The following ENTREP2 variants were observed in gnomAD, a reference collection of about 807,000 sequenced individuals.
The protein encoded by ENTREP2 is endosomal transmembrane epsin interactor 2, also known as protein ENTREP2.
chr15:29,453,411 T>C, the ENTREP2 span, among the ~76,000 whole-genome samples: 2 of 152,204 alleles, frequency 1.3e-5, no homozygotes, highest in Non-Finnish European at 2.9e-5. Flanking sequence ...CTGTAGCTTT[T>C]GGCCCTGATA....
the ENTREP2 span, among the ~76,000 whole-genome samples, chr15:29,186,997 T>C: frequency 1.3e-5 from 2 of 152,162 alleles, no homozygotes; most frequent in Non-Finnish European, 2.9e-5. Context: ...CCTAGAGCTG[T>C]GTTTGGTATC....
the ENTREP2 span, among the ~76,000 whole-genome samples, chr15:29,319,444 C>T: frequency 1.3e-5 from 2 of 152,214 alleles, no homozygotes. Context: ...TCACTGCTGC[C>T]ATCAGTCCAA....
chr15:29,539,344 C>T, the ENTREP2 span, among the ~76,000 whole-genome samples: 1 of 152,236 alleles, frequency 6.6e-6, no homozygotes, highest in South Asian at 2.1e-4. Flanking sequence ...CACTCTGAAA[C>T]CCTCTGCTCC....
chr15:29,535,035 C>G, the ENTREP2 span, among the ~76,000 whole-genome samples: 2 of 150,800 alleles, frequency 1.3e-5, no homozygotes, highest in African/African-American at 4.9e-5. Context: ...CACTTGAGAT[C>G]AGGAGTTTGA....
At chr15:29,418,060 C>T in the ENTREP2 span, among the ~76,000 whole-genome samples, 1 of 152,108 alleles carries the variant, frequency 6.6e-6, no homozygotes, top group African/African-American at 2.4e-5. Flanking sequence ...GAATTTACAG[C>T]AAATGTGTTT....
At chr15:29,492,088 G>A in the ENTREP2 span, among the ~76,000 whole-genome samples, 7 of 151,650 alleles carry the variant, frequency 4.6e-5, no homozygotes, top group Non-Finnish European at 1.0e-4. Flanking sequence ...CTAGCTTGTG[G>A]GTTTCAGGGC....
chr15:29,244,733 T>C, the ENTREP2 span, among the ~76,000 whole-genome samples: 2 of 152,142 alleles, frequency 1.3e-5, no homozygotes, highest in African/African-American at 4.8e-5. Flanking sequence ...GAACACCGCA[T>C]GTGGGTGAGA....
chr15:29,299,605 C>T, the ENTREP2 span, among the ~76,000 whole-genome samples: 1 of 152,132 alleles, frequency 6.6e-6, no homozygotes, highest in Admixed American at 6.6e-5. Flanking sequence ...CTCTGGCCTC[C>T]CTATGAAAAA....
At chr15:29,343,280 T>G in the ENTREP2 span, among the ~76,000 whole-genome samples, 1 of 152,096 alleles carries the variant, frequency 6.6e-6, no homozygotes, top group Non-Finnish European at 1.5e-5. Flanking sequence ...TTAGATGTAA[T>G]TCATATCTAC....
chr15:29,225,298 G>A, the ENTREP2 span, among the ~76,000 whole-genome samples: 967 of 152,378 alleles, frequency 6.3e-3, 16 homozygotes, highest in Middle Eastern at 0.031. Context: ...CTGCCAGCAT[G>A]CTGTCACCTC....
the ENTREP2 span, chr15:29,268,889 G>C: frequency 6.2e-7 from 1 of 1,614,150 alleles, no homozygotes; most frequent in Non-Finnish European, 8.5e-7. Context: ...TTGGGGTCTT[G>C]ATTATGGACC....
chr15:29,184,616 G>A, the ENTREP2 span, among the ~76,000 whole-genome samples: 4 of 152,172 alleles, frequency 2.6e-5, no homozygotes, highest in African/African-American at 9.7e-5. Flanking sequence ...GGACTTCACT[G>A]CGGTTGGGGT....
chr15:29,478,921 G>A, the ENTREP2 span, among the ~76,000 whole-genome samples: 4 of 149,078 alleles, frequency 2.7e-5, no homozygotes, highest in Non-Finnish European at 4.5e-5. Flanking sequence ...CAGGCCAGGC[G>A]TGGTGGCTCA....
chr15:29,561,678 A>C, the ENTREP2 span, among the ~76,000 whole-genome samples: 3 of 143,970 alleles, frequency 2.1e-5, no homozygotes, highest in Non-Finnish European at 1.5e-5. Flanking sequence ...ACAGAGCGAG[A>C]CTCCATCTCA....
At chr15:29,487,832 A>G in the ENTREP2 span, among the ~76,000 whole-genome samples, 19 of 152,292 alleles carry the variant, frequency 1.2e-4, no homozygotes, top group Non-Finnish European at 1.2e-4. Context: ...AGCTGGGATT[A>G]CAGGCATGCA....
chr15:29,657,483 C>CGGGGCGGGGGGG, the ENTREP2 span, among the ~76,000 whole-genome samples: 11 of 69,426 alleles, frequency 1.6e-4, no homozygotes, highest in African/African-American at 6.0e-4. Flanking sequence ...GCTGGGGGGG[C>CGGGGCGGGGGGG]GGGGGGGGGG....
At chr15:29,140,666 C>T in the ENTREP2 span, among the ~76,000 whole-genome samples, 16 of 152,176 alleles carry the variant, frequency 1.1e-4, no homozygotes, top group Non-Finnish European at 2.1e-4. Context: ...TCAGGACCAG[C>T]GGAAATGCCT....
At chr15:29,125,160 G>A in the ENTREP2 span, among the ~76,000 whole-genome samples, 1 of 152,202 alleles carries the variant, frequency 6.6e-6, no homozygotes, top group Non-Finnish European at 1.5e-5. Context: ...TCACTGAGAG[G>A]GACAGGCCCA....
At chr15:29,507,638 T>C in the ENTREP2 span, among the ~76,000 whole-genome samples, 8 of 152,198 alleles carry the variant, frequency 5.3e-5, no homozygotes, top group Admixed American at 1.3e-4. Flanking sequence ...CTGAACAACC[T>C]GCTACTGAAT....
Sources: gnomAD v4.1 joint callset for allele counts (sites outside exome capture counted in the v4.1 genomes callset) on GRCh38, gnomAD v4.1.1 for gene constraint, MANE v1.5 for transcripts, NCBI Gene and HGNC (gene_info 2026-07-23, HGNC 2026-07-21) for gene names.